Variants in BBX observed in about 807,000 individuals in gnomAD.
BBX encodes the protein BBX high mobility group box domain containing.
Under a neutral mutation model 100.2 loss-of-function variants are expected in BBX, and 30 were observed. The ratio of observed to expected loss-of-function variants is 0.30; its 90% CI spans 0.22 to 0.41. BBX has a LOEUF of 0.41. Ranked by LOEUF, BBX falls within the 10% of genes least tolerant of loss-of-function variation. The pLI is 1.00. For synonymous variants in BBX, 376 were observed against 388.1 expected (o/e 0.97, Z 0.37); for missense variants, 1,023 against 1,129.8 (o/e 0.91, Z 1.35).
chr3:107,564,483 T>A (rs941856294), intron 2 of BBX, among the ~76,000 whole-genome samples: 2 of 152,204 alleles, frequency 1.3e-5, no homozygotes, highest in African/African-American at 4.8e-5. Flanking sequence ...TTGATATAGG[T>A]TGATTCACAC....
intron 7 of BBX, among the ~76,000 whole-genome samples, chr3:107,738,329 CTT>C (rs1286491793): frequency 6.6e-6 from 1 of 151,998 alleles, no homozygotes; most frequent in Non-Finnish European, 1.5e-5. Context: ...GACTAAGAAA[CTT>C]GGGATCAAGA....
At chr3:107,647,664 G>T (rs1169329215) in intron 3 of BBX, among the ~76,000 whole-genome samples, 2 of 152,184 alleles carry the variant, frequency 1.3e-5, no homozygotes, top group African/African-American at 4.8e-5. Flanking sequence ...TTGGCAAAAG[G>T]ATGCCAGGGT....
chr3:107,640,915 A>G (rs1296364985), intron 2 of BBX, among the ~76,000 whole-genome samples: 2 of 151,682 alleles, frequency 1.3e-5, no homozygotes, highest in South Asian at 2.1e-4. Flanking sequence ...ACCTGCCTCA[A>G]CCTCCCAAAG....
chr3:107,562,261 C>T (rs1370157864), intron 2 of BBX, among the ~76,000 whole-genome samples: 1 of 152,126 alleles, frequency 6.6e-6, no homozygotes, highest in East Asian at 1.9e-4. Flanking sequence ...TGATTTGGTT[C>T]TGAAATTGTG....
chr3:107,796,667 T>C (rs1446181634), intron 15 of BBX, among the ~76,000 whole-genome samples: 3 of 152,114 alleles, frequency 2.0e-5, no homozygotes, highest in African/African-American at 7.2e-5. Flanking sequence ...TTCTTTGGAG[T>C]GTTTCTTACC....
At chr3:107,533,760 C>G (rs1038373520) in intron 2 of BBX, among the ~76,000 whole-genome samples, 1 of 152,126 alleles carries the variant, frequency 6.6e-6, no homozygotes, top group Non-Finnish European at 1.5e-5. Flanking sequence ...TGAAAGGCTA[C>G]TTTCATTAAT....
At chr3:107,751,270 A>G (rs1011424527) in intron 9 of BBX, among the ~76,000 whole-genome samples, 4 of 152,108 alleles carry the variant, frequency 2.6e-5, no homozygotes, top group African/African-American at 9.7e-5. Flanking sequence ...ACTTAAAGAG[A>G]AGTGGGTGTT....
chr3:107,790,384 C>G (rs867564910), intron 14 of BBX, among the ~76,000 whole-genome samples: 5 of 152,118 alleles, frequency 3.3e-5, no homozygotes, highest in East Asian at 1.9e-4. Context: ...CTTCCACCCC[C>G]CCTCGTTTGC....
Position 107,805,860 on chromosome 3 carries a change from A to G in BBX, c.*403A>G, listed in dbSNP as rs910191828. 5 of 196,924 alleles carry G rather than the reference A, an allele frequency of 2.5e-5. No individual in the cohort carries two copies. The highest frequency in any genetic ancestry group is 4.1e-5 in the Non-Finnish European group (4 of 96,928). The allele number at this position is 196,924 out of a possible 1,614,324, so 12.2% of individuals were successfully genotyped here. On this transcript the variant is annotated 3_prime_UTR_variant, in exon 18 of 18. Coordinates refer to ENST00000325805, the MANE Select transcript of BBX (RefSeq NM_001142568.3). ...TCTTTCAAAACAAAACAAAAAAAAA[A>G]CAAAAACTGACGCACTGCACTAGTT...
intron 2 of BBX, among the ~76,000 whole-genome samples, chr3:107,589,430 A>G (rs1189705013): frequency 1.3e-5 from 2 of 152,214 alleles, no homozygotes; most frequent in African/African-American, 4.8e-5. Context: ...CTAGTCCAGT[A>G]GTCTTCCCCT....
intron 13 of BBX, among the ~76,000 whole-genome samples, chr3:107,786,543 T>A (rs1034727350): frequency 6.6e-6 from 1 of 152,154 alleles, no homozygotes; most frequent in African/African-American, 2.4e-5. Flanking sequence ...GAATATCCAA[T>A]GAGAACAGTA....
chr3:107,636,480 T>C (rs2056858029), intron 2 of BBX, among the ~76,000 whole-genome samples: 1 of 152,188 alleles, frequency 6.6e-6, no homozygotes, highest in South Asian at 2.1e-4. Flanking sequence ...GACTTGAAAG[T>C]TGACAATCTG....
chr3:107,673,119 G>T (rs1026145386), intron 3 of BBX, among the ~76,000 whole-genome samples: 5 of 152,018 alleles, frequency 3.3e-5, no homozygotes, highest in Admixed American at 6.6e-5. Flanking sequence ...TAAAGTAGGA[G>T]TCCAAAATGA....
At chr3:107,765,402 T>G (rs1321727170) in intron 10 of BBX, among the ~76,000 whole-genome samples, 1 of 152,142 alleles carries the variant, frequency 6.6e-6, no homozygotes, top group African/African-American at 2.4e-5. Context: ...ACAGTCTGGC[T>G]CTGGCTCCAG....
At chr3:107,678,062 G>T (rs1452260495) in intron 3 of BBX, among the ~76,000 whole-genome samples, 1 of 151,976 alleles carries the variant, frequency 6.6e-6, no homozygotes, top group Non-Finnish European at 1.5e-5. Context: ...GTGTATATAA[G>T]CACATATTTA....
chr3:107,746,801 A>T (rs1032300340), intron 8 of BBX, among the ~76,000 whole-genome samples: 1 of 152,142 alleles, frequency 6.6e-6, no homozygotes, highest in African/African-American at 2.4e-5. Flanking sequence ...ATGTATAACT[A>T]CGTGGCCCTG....
chr3:107,636,588 A>G (rs1373723808), intron 2 of BBX, among the ~76,000 whole-genome samples: 1 of 152,164 alleles, frequency 6.6e-6, no homozygotes, highest in Non-Finnish European at 1.5e-5. Flanking sequence ...GCTTCAGGAT[A>G]AGTCTTTTGC....
At chr3:107,550,980 G>T (rs949844770) in intron 2 of BBX, among the ~76,000 whole-genome samples, 1 of 152,152 alleles carries the variant, frequency 6.6e-6, no homozygotes, top group African/African-American at 2.4e-5. Context: ...TTGAGAAAAT[G>T]AAAACCTCAA....
At chr3:107,797,462 C>T (rs978922846) in intron 15 of BBX, among the ~76,000 whole-genome samples, 16 of 149,556 alleles carry the variant, frequency 1.1e-4, no homozygotes, top group African/African-American at 3.7e-4. Context: ...CCACATTCTC[C>T]TTTTCTTTGT....
Sources: gnomAD v4.1 joint callset for allele counts (sites outside exome capture counted in the v4.1 genomes callset) on GRCh38, gnomAD v4.1.1 for gene constraint, MANE v1.5 for transcripts, NCBI Gene and HGNC (gene_info 2026-07-23, HGNC 2026-07-21) for gene names.